Variants in FBLN5 observed in about 807,000 individuals in gnomAD.
FBLN5 encodes the protein fibulin-5.
Under a neutral mutation model 61.6 loss-of-function variants are expected in FBLN5, and 24 were observed. The ratio of observed to expected loss-of-function variants is 0.39; its 90% confidence interval spans 0.28 to 0.55. FBLN5 has a LOEUF of 0.55. Among genes scored for constraint, FBLN5 ranks in the 20% least tolerant of loss-of-function variants. FBLN5 has a pLI of 0.65. For synonymous variants in FBLN5, 213 were observed against 219.8 expected, an observed-to-expected ratio of 0.97 and a Z score of 0.27; for missense variants, 470 against 594.1, an observed-to-expected ratio of 0.79 and a Z score of 2.17.
In FBLN5 at chr14:91,930,987, C is replaced by G. The variant is rs1304612076; in HGVS notation, c.379+5960G>C. ...GGTTATCATCTCAAGACCCTAGCAG[C>G]CTTCTCCACAAATCTTTCCCAGTTA... On this transcript the variant is annotated intron_variant, in intron 4 of 10. Transcript: ENST00000342058. Among the ~76,000 whole-genome samples, 5 of 152,218 alleles carry G rather than the reference C, an allele frequency of 3.3e-5. No individual in the cohort carries two copies. The East Asian group carries it at 9.6e-4, about 29-fold the overall frequency.
intron 4 of FBLN5, among the ~76,000 whole-genome samples, chr14:91,927,857 G>A (rs562675976): frequency 6.6e-5 from 10 of 152,374 alleles, no homozygotes; most frequent in African/African-American, 2.4e-4. Flanking sequence ...GCTAATTCCA[G>A]AGTGGAGTAG....
intron 7 of FBLN5, among the ~76,000 whole-genome samples, chr14:91,886,597 C>G (rs923231604): frequency 6.6e-6 from 1 of 152,174 alleles, no homozygotes; most frequent in Admixed American, 6.5e-5. Flanking sequence ...GTTCTCACAA[C>G]AAATTATTAC....
chr14:91,906,129 T>C lies in FBLN5; in HGVS notation c.380-11057A>G, dbSNP rs369439926. Among the ~76,000 whole-genome samples the C allele has an allele frequency of 1.1e-4, 16 of 152,172 alleles. No homozygotes were observed. The South Asian group carries it at 3.3e-3, about 32-fold the overall frequency. ...CTCGAACTCCCAACCTCAGGTGATC[T>C]GCCTGCCTCAGCCTCCCAAAGTGCT... On this transcript the variant is annotated intron_variant, in intron 4 of 10. Coordinates refer to ENST00000342058, the MANE Select transcript of FBLN5 (RefSeq NM_006329.4).
At chr14:91,884,655 T>C (rs915280845) in intron 7 of FBLN5, among the ~76,000 whole-genome samples, 1 of 152,226 alleles carries the variant, frequency 6.6e-6, no homozygotes, top group South Asian at 2.1e-4. Context: ...CTCTAGATCC[T>C]ACACTTAGAA....
At chr14:91,874,426 C>T (rs1428422953) in intron 10 of FBLN5, 2 of 152,104 alleles carry the variant, frequency 1.3e-5, no homozygotes, top group East Asian at 3.8e-4. Flanking sequence ...ATCTGAGACC[C>T]CAAAGCTGGA....
rs749952010 is a variant in FBLN5 at position 91,870,240 on chromosome 14, G to A, written c.1331C>T (p.Ser444Leu). Reference sequence around the variant, plus strand: ...GCCCGAGGCTCAGAATGGGTACTGCGACACATATATCCGCAGTCGGATCAC... The same window carrying A: ...GCCCGAGGCTCAGAATGGGTACTGCAACACATATATCCGCAGTCGGATCAC... ...SSVIRLRIYV[S>L]QYPF Residue 444 changes from serine (S) to leucine (L), a missense_variant, in exon 11 of 11, where the codon TCG becomes TTG. Coordinates refer to ENST00000342058, the MANE Select transcript of FBLN5 (RefSeq NM_006329.4). 9 of 1,614,068 alleles carry A rather than the reference G, an allele frequency of 5.6e-6. No individual in the cohort carries two copies. Among genetic ancestry groups the A allele is most frequent in the East Asian group, 4.5e-5 (2 of 44,896 alleles).
At chr14:91,880,621 C>T (rs1363905213) in intron 9 of FBLN5, among the ~76,000 whole-genome samples, 3 of 151,970 alleles carry the variant, frequency 2.0e-5, no homozygotes, top group Non-Finnish European at 4.4e-5. Flanking sequence ...GATCTCAGCT[C>T]ATTGTACCCT....
rs1888831518 is a variant in FBLN5 at position 91,869,774 on chromosome 14, A to G, written c.*450T>C. On this transcript the variant is annotated 3_prime_UTR_variant, in exon 11 of 11. Transcript: ENST00000342058. ...GCCTTCTCTGTGTACGCAAAAAGCA[A>G]ACTAGCTACTCCCAGGGTTCCCCGC... 1 of 233,204 alleles carries G rather than the reference A, an allele frequency of 4.3e-6. No homozygotes were observed. Among genetic ancestry groups the G allele is most frequent in the African/African-American group, 2.3e-5 (1 of 44,406 alleles). 14.4% of individuals were successfully genotyped at this position (233,204 alleles called of 1,614,324 possible). A position where few individuals can be genotyped will look rare whatever the true frequency, so the allele number is the denominator to read the frequency against.
At chr14:91,902,281 G>GTTTTTTTTTTT (rs1555376457) in intron 4 of FBLN5, among the ~76,000 whole-genome samples, 1 of 29,070 alleles carries the variant, frequency 3.4e-5, no homozygotes, top group Non-Finnish European at 1.2e-4. Flanking sequence ...TTGTTTGTTT[G>GTTTTTTTTTTT]TTTTTTTTTT....
chr14:91,901,066 C>T (rs1158042211), intron 4 of FBLN5, among the ~76,000 whole-genome samples: 2 of 152,216 alleles, frequency 1.3e-5, no homozygotes, highest in African/African-American at 4.8e-5. Context: ...GTCTCCATCT[C>T]CACCTCTGCA....
chr14:91,937,062 G>A lies in FBLN5; in HGVS notation c.264C>T (p.Tyr88=), dbSNP rs769776489. Residue 88 remains tyrosine, a synonymous_variant, in exon 4 of 11, where the codon TAC becomes TAT. Transcript: ENST00000342058. ...GPYSNPYSTP[Y]SGPYPAAAPP... ...GGGCAGCTGCTGGGTACGGACCTGAGTAGGGGGTCGAGTAGGGGTTCGAGT... is the reference window on the plus strand; with the variant it reads ...GGGCAGCTGCTGGGTACGGACCTGAATAGGGGGTCGAGTAGGGGTTCGAGT... The A allele has an allele frequency of 6.8e-6, 11 of 1,613,840 alleles. No homozygotes were observed. Among genetic ancestry groups the A allele is most frequent in the Non-Finnish European group, 8.5e-6 (10 of 1,179,954 alleles).
intron 4 of FBLN5, among the ~76,000 whole-genome samples, chr14:91,922,355 T>C (rs969362681): frequency 7.1e-6 from 1 of 141,516 alleles, no homozygotes; most frequent in Non-Finnish European, 1.6e-5. Context: ...AATAAATAAA[T>C]AAAATGAAGG....
chr14:91,888,821 T>C (rs2430354), intron 6 of FBLN5, among the ~76,000 whole-genome samples: 148,868 of 152,142 alleles, frequency 0.98, 72,929 homozygotes, highest in East Asian at 1. Context: ...CAGGGAAGAG[T>C]CTCTTTCCCA....
intron 4 of FBLN5, among the ~76,000 whole-genome samples, chr14:91,917,168 AT>A (rs1229620177): frequency 1.6e-4 from 24 of 152,366 alleles, no homozygotes; most frequent in African/African-American, 5.1e-4. Context: ...GAAGAAGCCT[AT>A]GTTTTAGAGA....
intron 4 of FBLN5, among the ~76,000 whole-genome samples, chr14:91,901,210 C>T (rs1890436111): frequency 6.6e-6 from 1 of 152,204 alleles, no homozygotes; most frequent in African/African-American, 2.4e-5. Flanking sequence ...GCCTTCTTTG[C>T]TCCAATACTG....
chr14:91,898,909 C>T (rs1170847902), intron 4 of FBLN5, among the ~76,000 whole-genome samples: 2 of 149,196 alleles, frequency 1.3e-5, no homozygotes, highest in Non-Finnish European at 3.0e-5. Context: ...TCACACCACT[C>T]TTCTGCCTCA....
chr14:91,937,887 TTAAG>T (rs2056045652), intron 3 of FBLN5, among the ~76,000 whole-genome samples: 1 of 152,232 alleles, frequency 6.6e-6, no homozygotes, highest in African/African-American at 2.4e-5. Context: ...TACTCTTTCT[TTAAG>T]TAAGCCCATA....
intron 3 of FBLN5, among the ~76,000 whole-genome samples, chr14:91,938,756 G>A (rs2056060761): frequency 6.6e-6 from 1 of 152,204 alleles, no homozygotes; most frequent in African/African-American, 2.4e-5. Flanking sequence ...TGCGGGGCTA[G>A]AGACTGGAGA....
chr14:91,919,432 A>AG (rs1555378274), intron 4 of FBLN5, among the ~76,000 whole-genome samples: 1 of 150,230 alleles, frequency 6.7e-6, no homozygotes, highest in Non-Finnish European at 1.5e-5. Context: ...GAAGGAAGGA[A>AG]GGATTACCAG....
Sources: allele counts gnomAD v4.1 joint callset (sites outside exome capture counted in the v4.1 genomes callset), GRCh38; gene constraint gnomAD v4.1.1; transcripts MANE v1.5; gene names NCBI Gene and HGNC (gene_info 2026-07-23, HGNC 2026-07-21).